The following SLC16A7 variants were observed in gnomAD, a reference collection of about 807,000 sequenced individuals.
The protein encoded by SLC16A7 is monocarboxylate transporter 2.
SLC16A7 carries 33 observed loss-of-function variants against 34.9 expected under a neutral mutation model. The ratio of observed to expected loss-of-function variants is 0.94; its 90% CI spans 0.72 to 1.26. The LOEUF (loss-of-function observed/expected upper bound fraction) is 1.26. Among genes scored for constraint, SLC16A7 ranks in the 50% most tolerant of loss-of-function variants. The probability of loss-of-function intolerance (pLI) is 0.00; values close to 1 mark genes in which losing one functional copy is unlikely to be tolerated. For synonymous variants in SLC16A7, 201 were observed against 206.6 expected, an observed-to-expected ratio of 0.97 and a Z score of 0.23; for missense variants, 573 against 578.1, an observed-to-expected ratio of 0.99 and a Z score of 0.09.
chr12:59,627,804 T>A (rs1332765773), intron 1 of SLC16A7, among the ~76,000 whole-genome samples: 1 of 151,464 alleles, frequency 6.6e-6, no homozygotes, highest in Non-Finnish European at 1.5e-5. Context: ...AGCTGATGAT[T>A]TCTAGGCCTA....
intron 3 of SLC16A7, chr12:59,734,109 G>A (rs2094432003): frequency 4.3e-6 from 1 of 230,606 alleles, no homozygotes; most frequent in East Asian, 1.2e-4. Context: ...TTAAAGGTGG[G>A]GTTTCACCAA....
chr12:59,603,274 A>G (rs972059502), intron 1 of SLC16A7, among the ~76,000 whole-genome samples: 19 of 152,118 alleles, frequency 1.2e-4, no homozygotes, highest in African/African-American at 4.3e-4. Context: ...ATGGAAGCAC[A>G]CCTTTGTTAA....
chr12:59,711,471 G>A (rs1006763259), intron 3 of SLC16A7, among the ~76,000 whole-genome samples: 5 of 151,694 alleles, frequency 3.3e-5, no homozygotes, highest in African/African-American at 1.2e-4. Flanking sequence ...GAAATATAAT[G>A]CTTAGTAGCC....
chr12:59,733,526 G>A (rs1877209836), intron 3 of SLC16A7, among the ~76,000 whole-genome samples: 1 of 152,186 alleles, frequency 6.6e-6, no homozygotes, highest in Non-Finnish European at 1.5e-5. Flanking sequence ...GAATGCAGTG[G>A]TGCCTGGAAG....
chr12:59,635,986 A>G (rs938433652), intron 1 of SLC16A7, among the ~76,000 whole-genome samples: 13 of 126,428 alleles, frequency 1.0e-4, no homozygotes, highest in Admixed American at 1.8e-4. Context: ...ACCAATTTCT[A>G]TTAAATGCAC....
intron 3 of SLC16A7, 55 bp from the exon 4 acceptor site, chr12:59,771,163 TA>T: frequency 6.5e-7 from 1 of 1,534,930 alleles, no homozygotes; most frequent in Admixed American, 1.9e-5. Flanking sequence ...ATGTTAAAGA[TA>T]AACAAATAAA....
At chr12:59,775,976 A>G (rs932060375) in intron 5 of SLC16A7, among the ~76,000 whole-genome samples, 9 of 152,214 alleles carry the variant, frequency 5.9e-5, no homozygotes, top group African/African-American at 2.2e-4. Flanking sequence ...ATATTCATGT[A>G]TCTATTCCAT....
intron 2 of SLC16A7, among the ~76,000 whole-genome samples, chr12:59,665,308 C>T (rs1387115125): frequency 6.6e-6 from 1 of 151,756 alleles, no homozygotes; most frequent in Non-Finnish European, 1.5e-5. Context: ...ACTTTTTTAA[C>T]ATTGACATTC....
chr12:59,626,152 A>G (rs1012865997), intron 1 of SLC16A7, among the ~76,000 whole-genome samples: 1 of 151,818 alleles, frequency 6.6e-6, no homozygotes, highest in African/African-American at 2.4e-5. Flanking sequence ...ATAGAAAATA[A>G]TCTTAATTTT....
At chr12:59,701,129 ATCT>A (rs1872826017) in intron 2 of SLC16A7, among the ~76,000 whole-genome samples, 1 of 151,792 alleles carries the variant, frequency 6.6e-6, no homozygotes, top group East Asian at 1.9e-4. Context: ...ATCTTCACTC[ATCT>A]TCATTTTATG....
intron 2 of SLC16A7, among the ~76,000 whole-genome samples, chr12:59,684,746 A>C (rs1436066285): frequency 1.3e-5 from 2 of 152,142 alleles, no homozygotes; most frequent in Non-Finnish European, 2.9e-5. Flanking sequence ...CAAGGTGGAA[A>C]CAAAATTAAA....
At chr12:59,775,555 A>G (rs1046648363) in intron 5 of SLC16A7, 80 bp downstream of exon 5, 3 of 994,208 alleles carry the variant, frequency 3.0e-6, no homozygotes, top group Non-Finnish European at 3.0e-6. Flanking sequence ...CAGATGTTTA[A>G]ATGTGTTTTA....
At chr12:59,715,497 C>A (rs1028823708) in intron 3 of SLC16A7, among the ~76,000 whole-genome samples, 1 of 152,248 alleles carries the variant, frequency 6.6e-6, no homozygotes, top group South Asian at 2.1e-4. Flanking sequence ...GAATTACCAA[C>A]TAAAAGCACA....
At chr12:59,640,339 A>G (rs1330877751) in intron 1 of SLC16A7, among the ~76,000 whole-genome samples, 1 of 152,126 alleles carries the variant, frequency 6.6e-6, no homozygotes, top group African/African-American at 2.4e-5. Flanking sequence ...ACATTTCATG[A>G]TTAGAACTTT....
At chr12:59,607,521 T>A (rs528600629) in intron 1 of SLC16A7, among the ~76,000 whole-genome samples, 1 of 152,328 alleles carries the variant, frequency 6.6e-6, no homozygotes, top group Admixed American at 6.5e-5. Context: ...TACTCAGTAA[T>A]CTGTGAGGCT....
chr12:59,707,721 C>T (rs758902439), intron 3 of SLC16A7, among the ~76,000 whole-genome samples: 30 of 152,164 alleles, frequency 2.0e-4, no homozygotes, highest in Middle Eastern at 3.4e-3. Context: ...GTGCTAGATA[C>T]ATACAAATTC....
rs1478701162 is a variant in SLC16A7 at position 59,771,224 on chromosome 12, G to A, written c.223G>A (p.Val75Ile). Residue 75 changes from valine to isoleucine, a missense_variant, in exon 4 of 6, where the codon GTA becomes ATA. Transcript: ENST00000547379. ...MLAVMYAGGPVSSVLVNKYGS... is the reference protein window; with the variant it reads ...MLAVMYAGGPISSVLVNKYGS... ...TTATCTCCTCTCTGCTGTAGGTCCT[G>A]TAAGTAGTGTTTTGGTGAATAAATA... 6.2e-7 allele frequency: 1 copy of A among 1,612,286 alleles called. No homozygotes were observed. Among genetic ancestry groups the A allele is most frequent in the African/African-American group, 1.3e-5 (1 of 74,892 alleles).
At chr12:59,752,758 C>T (rs1879738876) in intron 3 of SLC16A7, among the ~76,000 whole-genome samples, 1 of 152,100 alleles carries the variant, frequency 6.6e-6, no homozygotes, top group Non-Finnish European at 1.5e-5. Context: ...CAGAGAACGC[C>T]ACAAAGATAT....
chr12:59,690,589 A>C (rs1871533923), intron 2 of SLC16A7, among the ~76,000 whole-genome samples: 1 of 151,958 alleles, frequency 6.6e-6, no homozygotes, highest in South Asian at 2.1e-4. Flanking sequence ...AACAATGATA[A>C]GGTTTGTTAC....
Sources: allele counts gnomAD v4.1 joint callset (sites outside exome capture counted in the v4.1 genomes callset), GRCh38; gene constraint gnomAD v4.1.1; transcripts MANE v1.5; gene names NCBI Gene and HGNC (gene_info 2026-07-23, HGNC 2026-07-21).